GATB: variants seen among roughly 807,000 people sequenced by gnomAD.
The protein encoded by GATB is glutamyl-tRNA(Gln) amidotransferase subunit B, mitochondrial.
In GATB, 39 loss-of-function variants were observed where a neutral mutation model predicts 62.3. The ratio of observed to expected loss-of-function variants is 0.63; its 90% CI spans 0.48 to 0.82. The LOEUF is 0.82. GATB is among the 40% of genes least tolerant of loss of function. GATB has a pLI of 0.00. For missense variants in GATB, 670 were observed against 684.0 expected, an observed-to-expected ratio of 0.98 and a Z score of 0.23; for synonymous variants, 276 against 258.9, an observed-to-expected ratio of 1.07 and a Z score of -0.63.
At chr4:151,723,132 A>G (rs1228687700) in intron 2 of GATB, 2 of 152,180 alleles carry the variant, frequency 1.3e-5, no homozygotes, top group African/African-American at 2.4e-5. Flanking sequence ...CACGCAGCAC[A>G]CCTTTCTCAG....
intron 2 of GATB, among the ~76,000 whole-genome samples, chr4:151,742,683 G>T (rs1031387307): frequency 6.6e-6 from 1 of 152,138 alleles, no homozygotes; most frequent in African/African-American, 2.4e-5. Context: ...ATGGAAAATG[G>T]CCCTGGCTTA....
intron 2 of GATB, among the ~76,000 whole-genome samples, chr4:151,749,744 G>A (rs994453402): frequency 6.6e-6 from 1 of 152,122 alleles, no homozygotes; most frequent in Non-Finnish European, 1.5e-5. Flanking sequence ...GGAGCAGAGG[G>A]ACACATCTTC....
chr4:151,758,660 A>G, intron 2 of GATB, 112 bp downstream of exon 2: 1 of 930,806 alleles, frequency 1.1e-6, no homozygotes, highest in Non-Finnish European at 1.5e-6. Flanking sequence ...AAAACTCCCT[A>G]AATAAGTATT....
intron 2 of GATB, among the ~76,000 whole-genome samples, chr4:151,742,290 G>A (rs1490551483): frequency 3.3e-5 from 5 of 151,736 alleles, no homozygotes; most frequent in Non-Finnish European, 5.9e-5. Context: ...GCATTTCACC[G>A]TGTTAACCAG....
intron 2 of GATB, among the ~76,000 whole-genome samples, chr4:151,735,286 A>C (rs1263547979): frequency 6.6e-6 from 1 of 152,084 alleles, no homozygotes; most frequent in Non-Finnish European, 1.5e-5. Context: ...TAAGGGCATG[A>C]ATAGACAATT....
intron 10 of GATB, among the ~76,000 whole-genome samples, chr4:151,685,364 C>T (rs903056209): frequency 1.3e-5 from 2 of 152,140 alleles, no homozygotes; most frequent in African/African-American, 4.8e-5. Context: ...GGGGTAGAAC[C>T]GGGTCCTGGT....
intron 2 of GATB, chr4:151,722,095 C>A: frequency 1.5e-6 from 1 of 662,200 alleles, no homozygotes; most frequent in East Asian, 2.7e-5. Context: ...AGAAGAATGC[C>A]AAGAAAAAAA....
At chr4:151,718,304 T>C (rs962036946) in intron 3 of GATB, among the ~76,000 whole-genome samples, 2 of 152,132 alleles carry the variant, frequency 1.3e-5, no homozygotes, top group African/African-American at 4.8e-5. Context: ...GGATAAAATA[T>C]AGGACACCCA....
chr4:151,701,598 A>C, intron 8 of GATB, 80 bp from the exon 9 acceptor site: 2 of 1,023,898 alleles, frequency 2.0e-6, no homozygotes, highest in Non-Finnish European at 2.7e-6. Flanking sequence ...AGTAATATGA[A>C]TGTTTCTGTG....
chr4:151,672,805 A>C lies in GATB; in HGVS notation c.1502T>G (p.Leu501Arg). 1 of 1,614,226 alleles carries C rather than the reference A, an allele frequency of 6.2e-7. No homozygotes were observed. The highest frequency in any genetic ancestry group is 1.1e-5 in the South Asian group (1 of 91,084). ...QLELMQDQGALEQLCHSVMEA... is the reference protein window; with the variant it reads ...QLELMQDQGAREQLCHSVMEA... The stretch of plus-strand genomic sequence containing the variant: ...CATCACAGAGTGGCAGAGCTGCTCC[A>C]GTGCCCCCTGGTCCTGCATCAGTTC... Residue 501 changes from leucine to arginine, a missense_variant, in exon 12 of 13, where the codon CTG (leucine) becomes CGG (arginine). Leu to Arg is a moderately radical substitution (Grantham distance 102, BLOSUM62 -2). Coordinates refer to ENST00000263985, the MANE Select transcript of GATB (RefSeq NM_004564.3).
chr4:151,677,215 A>C (rs1738026141), intron 11 of GATB: 1 of 152,230 alleles, frequency 6.6e-6, no homozygotes, highest in Non-Finnish European at 1.5e-5. Context: ...CTCTTCTATT[A>C]AATTTGGAAA....
intron 9 of GATB, among the ~76,000 whole-genome samples, chr4:151,695,930 A>ATTGTTTT (rs1738460422): frequency 8.1e-6 from 1 of 122,850 alleles, no homozygotes; most frequent in Non-Finnish European, 1.7e-5. Flanking sequence ...GCTAATTTAA[A>ATTGTTTT]TTTTTTTTTT....
intron 2 of GATB, among the ~76,000 whole-genome samples, chr4:151,753,804 G>T (rs997676765): frequency 6.6e-6 from 1 of 151,800 alleles, no homozygotes; most frequent in Non-Finnish European, 1.5e-5. Flanking sequence ...TATTAAGAAA[G>T]ACATGACCAA....
Position 151,761,000 on chromosome 4 carries a change from G to A in GATB, c.-18C>T. 6.3e-7 allele frequency: 1 copy of A among 1,596,654 alleles called. No individual in the cohort carries two copies. The highest frequency in any genetic ancestry group is 8.5e-7 in the Non-Finnish European group (1 of 1,172,706). On this transcript the variant is annotated 5_prime_UTR_variant, in exon 1 of 13. Coordinates refer to ENST00000263985, the MANE Select transcript of GATB (RefSeq NM_004564.3). ...GCCGCCATTGTAACTCCAGGGTCTT[G>A]GTCAGGTGACTCAGCCTCACTATGC... is the stretch of plus-strand genomic sequence containing the variant.
intron 11 of GATB, among the ~76,000 whole-genome samples, chr4:151,679,420 G>A (rs1738089354): frequency 6.6e-6 from 1 of 152,184 alleles, no homozygotes; most frequent in Non-Finnish European, 1.5e-5. Flanking sequence ...GCAGGGACAA[G>A]GGAGCCCTGG....
At chr4:151,695,800 C>T (rs1943988909) in intron 9 of GATB, among the ~76,000 whole-genome samples, 1 of 152,102 alleles carries the variant, frequency 6.6e-6, no homozygotes, top group Non-Finnish European at 1.5e-5. Flanking sequence ...CTCTGTTGCC[C>T]AGGCTGGACT....
intron 9 of GATB, chr4:151,691,728 C>A (rs1181975832): frequency 6.6e-6 from 1 of 152,272 alleles, no homozygotes; most frequent in Non-Finnish European, 1.5e-5. Context: ...GATTTCTCAA[C>A]TGCATTTCTT....
intron 11 of GATB, chr4:151,677,510 C>T (rs1738032807): frequency 6.6e-6 from 1 of 152,196 alleles, no homozygotes; most frequent in South Asian, 2.1e-4. Flanking sequence ...ACAGCATTAC[C>T]ATATGACCCA....
chr4:151,672,039 C>T (rs1238148598), intron 12 of GATB, among the ~76,000 whole-genome samples: 3 of 152,216 alleles, frequency 2.0e-5, no homozygotes, highest in African/African-American at 4.8e-5. Flanking sequence ...CCAGTGCAGG[C>T]TCATTTTCCT....
Sources: gnomAD v4.1 joint callset for allele counts (sites outside exome capture counted in the v4.1 genomes callset) on GRCh38, gnomAD v4.1.1 for gene constraint, MANE v1.5 for transcripts, NCBI Gene and HGNC (gene_info 2026-07-23, HGNC 2026-07-21) for gene names.